The following EYS variants were observed in gnomAD, a reference collection of about 807,000 sequenced individuals.
EYS encodes protein eyes shut homolog.
A neutral mutation model predicts 282.1 loss-of-function variants in EYS; 250 were observed. The ratio of observed to expected loss-of-function variants is 0.89; its 90% CI spans 0.80 to 0.98. The LOEUF is 0.98. EYS is among the 50% of genes least tolerant of loss of function. The pLI is 0.00. For missense variants in EYS, 4,016 were observed against 3,709.0 expected, an observed-to-expected ratio of 1.08 and a Z score of -2.15; for synonymous variants, 1,355 against 1,282.9, an observed-to-expected ratio of 1.06 and a Z score of -1.20.
At chr6:65,383,641 A>G (rs1038426166) in intron 8 of EYS, among the ~76,000 whole-genome samples, 12 of 151,390 alleles carry the variant, frequency 7.9e-5, no homozygotes, top group Admixed American at 6.6e-5. Flanking sequence ...ACTCTCCCTG[A>G]TTTCATTCTC....
At chr6:65,292,436 C>G (rs1768552895) in intron 12 of EYS, among the ~76,000 whole-genome samples, 1 of 151,680 alleles carries the variant, frequency 6.6e-6, no homozygotes, top group Admixed American at 6.6e-5. Context: ...ATCTTACTAA[C>G]TGGGTCAGTT....
chr6:65,425,281 A>T (rs543034806), intron 5 of EYS, among the ~76,000 whole-genome samples: 1 of 152,230 alleles, frequency 6.6e-6, no homozygotes, highest in African/African-American at 2.4e-5. Context: ...AAGAGAATTA[A>T]TATAGTCAAT....
At chr6:64,978,278 T>G (rs1770537482) in intron 14 of EYS, among the ~76,000 whole-genome samples, 1 of 151,892 alleles carries the variant, frequency 6.6e-6, no homozygotes, top group Non-Finnish European at 1.5e-5. Context: ...AGGCCCTTAA[T>G]AATTATGCTA....
chr6:63,963,039 C>T (rs2149776851), intron 35 of EYS, among the ~76,000 whole-genome samples: 1 of 141,572 alleles, frequency 7.1e-6, no homozygotes, highest in Non-Finnish European at 1.5e-5. Flanking sequence ...TGTTTTCACT[C>T]ATAGGTGGGA....
chr6:65,361,840 A>G (rs1488674295), intron 8 of EYS, among the ~76,000 whole-genome samples: 2 of 152,132 alleles, frequency 1.3e-5, no homozygotes, highest in African/African-American at 4.8e-5. Context: ...CAAAAATAAC[A>G]CAGATAACAC....
At chr6:65,566,890 T>G (rs2127349203) in intron 2 of EYS, among the ~76,000 whole-genome samples, 1 of 152,260 alleles carries the variant, frequency 6.6e-6, no homozygotes, top group African/African-American at 2.4e-5. Flanking sequence ...TTTTTAAAAA[T>G]CAAAGAAAAT....
chr6:65,086,744 G>A (rs1300264612), intron 12 of EYS, among the ~76,000 whole-genome samples: 2 of 151,896 alleles, frequency 1.3e-5, no homozygotes, highest in South Asian at 2.1e-4. Context: ...TTCCAATTAT[G>A]TACATGAGCA....
Position 64,235,491 on chromosome 6 carries a change from T to G in EYS, c.6192-4667A>C, listed in dbSNP as rs533244444. Among the ~76,000 whole-genome samples the G allele has an allele frequency of 1.8e-3, 271 of 152,310 alleles. 2 individuals are homozygous for G. The highest frequency in any genetic ancestry group is 6.3e-3 in the African/African-American group (261 of 41,554). ...CATTTTCTTAATCCAGTCTATCATT[T>G]GTGGACATTTGGGTTGGTTCCAAGT... On this transcript the variant is annotated intron_variant, in intron 30 of 42. Transcript: ENST00000503581.
intron 12 of EYS, among the ~76,000 whole-genome samples, chr6:65,259,712 G>C (rs1325170927): frequency 1.3e-5 from 2 of 151,966 alleles, no homozygotes; most frequent in Non-Finnish European, 2.9e-5. Flanking sequence ...ATCTTCACAT[G>C]GAATTTAAGA....
intron 31 of EYS, among the ~76,000 whole-genome samples, chr6:64,191,640 C>T (rs1765114517): frequency 6.6e-6 from 1 of 152,080 alleles, no homozygotes; most frequent in African/African-American, 2.4e-5. Context: ...CATCCATGTC[C>T]CTACAAAGGA....
chr6:65,600,092 G>A (rs1765563959), intron 2 of EYS, among the ~76,000 whole-genome samples: 1 of 151,998 alleles, frequency 6.6e-6, no homozygotes, highest in African/African-American at 2.4e-5. Context: ...TCACTTATGA[G>A]CTCTCACTAT....
At chr6:64,246,056 G>A (rs889762629) in intron 30 of EYS, among the ~76,000 whole-genome samples, 9 of 129,636 alleles carry the variant, frequency 6.9e-5, no homozygotes, top group African/African-American at 2.6e-4. Context: ...AGAATTTTGG[G>A]TAAATCATAA....
At chr6:64,592,219 A>C (rs1766434602) in intron 25 of EYS, among the ~76,000 whole-genome samples, 1 of 152,198 alleles carries the variant, frequency 6.6e-6, no homozygotes, top group Non-Finnish European at 1.5e-5. Context: ...GGAGGGCTAA[A>C]GTTAGAACAA....
At chr6:65,268,301 G>A (rs912784207) in intron 12 of EYS, among the ~76,000 whole-genome samples, 1 of 151,840 alleles carries the variant, frequency 6.6e-6, no homozygotes, top group Non-Finnish European at 1.5e-5. Context: ...ACTTTACTAG[G>A]TAACCCATGG....
intron 12 of EYS, among the ~76,000 whole-genome samples, chr6:65,152,246 T>A (rs1321384547): frequency 6.6e-6 from 1 of 151,960 alleles, no homozygotes; most frequent in Non-Finnish European, 1.5e-5. Context: ...CCTATGTTCT[T>A]CTAGGCAGGA....
intron 22 of EYS, among the ~76,000 whole-genome samples, chr6:64,659,461 A>T (rs1768904865): frequency 6.6e-6 from 1 of 151,970 alleles, no homozygotes; most frequent in South Asian, 2.1e-4. Context: ...GTTTTTTGAA[A>T]AGATCAACAA....
At chr6:64,574,919 A>G (rs919116900) in intron 26 of EYS, among the ~76,000 whole-genome samples, 1 of 152,156 alleles carries the variant, frequency 6.6e-6, no homozygotes, top group Non-Finnish European at 1.5e-5. Context: ...TTCAGCTGTC[A>G]AAATGATAAA....
chr6:64,202,232 GA>G (rs1245235955), intron 31 of EYS, among the ~76,000 whole-genome samples: 1 of 152,156 alleles, frequency 6.6e-6, no homozygotes, highest in Admixed American at 6.5e-5. Flanking sequence ...GAACTGCTCA[GA>G]TCAATCCCTG....
intron 31 of EYS, among the ~76,000 whole-genome samples, chr6:64,087,409 T>C (rs1285867502): frequency 2.0e-5 from 3 of 152,116 alleles, no homozygotes; most frequent in Admixed American, 1.3e-4. Context: ...AAATGTGCCA[T>C]CATGTTCTCT....
Sources: gnomAD v4.1 joint callset for allele counts (sites outside exome capture counted in the v4.1 genomes callset) on GRCh38, gnomAD v4.1.1 for gene constraint, MANE v1.5 for transcripts, NCBI Gene and HGNC (gene_info 2026-07-23, HGNC 2026-07-21) for gene names.